Variants in THADA observed in about 807,000 individuals in gnomAD.
THADA encodes THADA armadillo repeat containing.
In THADA, 213 loss-of-function variants were observed where a neutral mutation model predicts 219.8. The ratio of observed to expected loss-of-function variants is 0.97; its 90% confidence interval spans 0.87 to 1.09. The LOEUF (loss-of-function observed/expected upper bound fraction) is 1.09, where lower values mean the gene tolerates loss of function less well. THADA is among the 50% of genes least tolerant of loss of function. The probability of loss-of-function intolerance (pLI) is 0.00; values close to 1 mark genes in which losing one functional copy is unlikely to be tolerated. For missense variants in THADA, 2,956 were observed against 2,311.3 expected (o/e 1.28, Z -5.72); for synonymous variants, 1,018 against 828.9 (o/e 1.23, Z -3.92).
chr2:43,292,796 G>A (rs1312691255), intron 32 of THADA, 38 bp downstream of exon 32: 3 of 1,581,364 alleles, frequency 1.9e-6, no homozygotes, highest in African/African-American at 2.7e-5. Context: ...AAGAATGTGG[G>A]GAGTGTAAAG....
chr2:43,405,114 G>A (rs1485630469), intron 28 of THADA, among the ~76,000 whole-genome samples: 1 of 152,210 alleles, frequency 6.6e-6, no homozygotes, highest in Non-Finnish European at 1.5e-5. Context: ...GAGGAGGCTT[G>A]AGTTTCTCTG....
At chr2:43,438,257 G>A (rs1008675612) in intron 26 of THADA, among the ~76,000 whole-genome samples, 2 of 144,748 alleles carry the variant, frequency 1.4e-5, no homozygotes, top group South Asian at 4.5e-4. Context: ...AGCCGAGATC[G>A]TGCCACTGCA....
rs200036949 is a variant in THADA, at chr2:43,245,172, C to CTTTTTTTTTTTTTTTTTTTTTTTT, written c.5297-12291_5297-12290insAAAAAAAAAAAAAAAAAAAAAAAA. ...TACTGGAGCTTCTTTCTTTCTTCTT[C>CTTTTTTTTTTTTTTTTTTTTTTTT]TTTTTTTTTTTTTTTTTTGAGACGG... On this transcript the variant is annotated intron_variant, in intron 36 of 37. Transcript: ENST00000405975. Among the ~76,000 whole-genome samples, 28 of 103,094 alleles carry CTTTTTTTTTTTTTTTTTTTTTTTT rather than the reference C, an allele frequency of 2.7e-4. 5 individuals are homozygous for CTTTTTTTTTTTTTTTTTTTTTTTT. The highest frequency in any genetic ancestry group is 8.0e-4 in the African/African-American group (16 of 20,016). The allele number at this position is 103,094 out of a possible 152,430, so 67.6% of individuals were successfully genotyped here.
chr2:43,278,906 C>T (rs1673025404), intron 36 of THADA, among the ~76,000 whole-genome samples: 1 of 152,178 alleles, frequency 6.6e-6, no homozygotes, highest in Non-Finnish European at 1.5e-5. Flanking sequence ...CTTTGCTCAG[C>T]TTTGATCCCT....
intron 28 of THADA, among the ~76,000 whole-genome samples, chr2:43,400,470 T>TATATATATATATATATATATAA (rs1273903312): frequency 7.0e-5 from 10 of 143,450 alleles, no homozygotes; most frequent in African/African-American, 2.3e-4. Flanking sequence ...TATATATATA[T>TATATATATATATATATATATAA]ATATATAAAT....
intron 30 of THADA, among the ~76,000 whole-genome samples, chr2:43,330,408 T>G (rs1384066376): frequency 6.6e-6 from 1 of 152,182 alleles, no homozygotes. Context: ...AGATGCTCCC[T>G]TGGCCCATTC....
chr2:43,284,793 G>A (rs988790797), intron 35 of THADA, among the ~76,000 whole-genome samples: 1 of 152,230 alleles, frequency 6.6e-6, no homozygotes, highest in African/African-American at 2.4e-5. Flanking sequence ...GAAAGCAGCT[G>A]CAAGGGCTGT....
chr2:43,482,335 C>T (rs191562970), intron 26 of THADA, among the ~76,000 whole-genome samples: 21 of 152,252 alleles, frequency 1.4e-4, no homozygotes, highest in Admixed American at 1.0e-3. Context: ...GGATCCTCTG[C>T]TCCTTTCTTT....
At chr2:43,493,684 C>G (rs866456351) in intron 25 of THADA, among the ~76,000 whole-genome samples, 19 of 152,118 alleles carry the variant, frequency 1.2e-4, no homozygotes, top group African/African-American at 4.6e-4. Context: ...TATTTTTAAA[C>G]AAAAACTGCC....
intron 24 of THADA, among the ~76,000 whole-genome samples, chr2:43,503,632 A>C (rs1317727197): frequency 6.6e-6 from 1 of 152,200 alleles, no homozygotes; most frequent in Non-Finnish European, 1.5e-5. Context: ...AAATATGTTC[A>C]TTATTCACTA....
Position 43,590,948 on chromosome 2 carries a change from G to T in THADA, c.178C>A (p.Pro60Thr). 1 of 1,611,688 alleles carries T rather than the reference G, an allele frequency of 6.2e-7. No individual in the cohort carries two copies. The highest frequency in any genetic ancestry group is 8.5e-7 in the Non-Finnish European group (1 of 1,178,618). The change falls in exon 4 of 38, where the codon CCT (proline) becomes ACT (threonine). Residue 60 changes from proline (P) to threonine (T), a missense_variant. By Grantham distance (38) the Pro-to-Thr change is conservative. Transcript: ENST00000405975. ...SQIHYIKQIV[P>T]LLEKADKNGM... is the part of the protein sequence containing the mutation. ...TTTTTATCTGCTTTCTCCAGCAGAG[G>T]CACAATCTATAATACAAAACATTGA...
At chr2:43,417,275 T>C (rs1019909840) in intron 28 of THADA, among the ~76,000 whole-genome samples, 4 of 152,092 alleles carry the variant, frequency 2.6e-5, no homozygotes, top group Non-Finnish European at 5.9e-5. Flanking sequence ...TCTAAGAGTT[T>C]AAAAATTATG....
chr2:43,595,220 A>C (rs552936910), intron 1 of THADA, among the ~76,000 whole-genome samples: 2 of 152,214 alleles, frequency 1.3e-5, no homozygotes, highest in African/African-American at 4.8e-5. Flanking sequence ...GTGACATTCT[A>C]CATCTTAAGA....
At chr2:43,532,285 C>T (rs1462839447) in intron 21 of THADA, among the ~76,000 whole-genome samples, 4 of 151,356 alleles carry the variant, frequency 2.6e-5, no homozygotes, top group African/African-American at 7.3e-5. Flanking sequence ...TGGCACCATG[C>T]GCCTGTAGTC....
rs1370598577 is a variant in THADA, at chr2:43,507,518, C to T, written c.3507+1130G>A. ...GGTCAGATCAAATAAAAGTTGATTT[C>T]TGAAGGTCACCAAAATCCATTCAGC... On this transcript the variant is annotated intron_variant, in intron 23 of 37. Coordinates refer to ENST00000405975, the MANE Select transcript of THADA (RefSeq NM_022065.5). Among the ~76,000 whole-genome samples, 10 of 152,208 alleles carry T rather than the reference C, an allele frequency of 6.6e-5. No homozygotes were observed. The East Asian group carries it at 1.9e-3, about 29-fold the overall frequency.
chr2:43,334,645 G>T (rs1464531945), intron 30 of THADA, among the ~76,000 whole-genome samples: 1 of 152,004 alleles, frequency 6.6e-6, no homozygotes, highest in Non-Finnish European at 1.5e-5. Context: ...CGTGGTGGCG[G>T]GCGCCTGTAG....
chr2:43,495,687 C>A (rs1483431194), intron 25 of THADA, among the ~76,000 whole-genome samples: 3 of 152,128 alleles, frequency 2.0e-5, no homozygotes, highest in Non-Finnish European at 4.4e-5. Context: ...GACGAATCAC[C>A]AGGCTTCACT....
chr2:43,257,921 G>A (rs547800004), intron 36 of THADA, among the ~76,000 whole-genome samples: 1 of 152,322 alleles, frequency 6.6e-6, no homozygotes, highest in South Asian at 2.1e-4. Flanking sequence ...CAGAAGCAGA[G>A]AAGCCAGTGG....
chr2:43,486,131 G>C (rs1387871804), intron 25 of THADA, among the ~76,000 whole-genome samples: 1 of 151,992 alleles, frequency 6.6e-6, no homozygotes, highest in African/African-American at 2.4e-5. Flanking sequence ...AAAGAATCCA[G>C]GTAATTAATA....
Sources: gnomAD v4.1 joint callset for allele counts (sites outside exome capture counted in the v4.1 genomes callset) on GRCh38, gnomAD v4.1.1 for gene constraint, MANE v1.5 for transcripts, NCBI Gene and HGNC (gene_info 2026-07-23, HGNC 2026-07-21) for gene names.